Variants in SLC22A23 observed in about 807,000 individuals in gnomAD.
SLC22A23 encodes the protein ion transporter protein.
Under a neutral mutation model 61.0 loss-of-function variants are expected in SLC22A23, and 26 were observed. That is an observed-to-expected ratio of 0.43 (90% CI 0.31 to 0.59). The LOEUF (loss-of-function observed/expected upper bound fraction) is 0.59. SLC22A23 is among the 20% of genes least tolerant of loss of function. The pLI is 0.11. For missense variants in SLC22A23, 796 were observed against 934.7 expected, an observed-to-expected ratio of 0.85 and a Z score of 1.94; for synonymous variants, 430 against 413.9, an observed-to-expected ratio of 1.04 and a Z score of -0.47.
rs1767584132 is a variant in SLC22A23, at chr6:3,390,308, C to T, written c.913+19880G>A. 6.6e-6 allele frequency among the ~76,000 whole-genome samples: 1 copy of T among 152,188 alleles called. No individual in the cohort carries two copies. Among genetic ancestry groups the T allele is most frequent in the Non-Finnish European group, 1.5e-5 (1 of 68,042 alleles). On this transcript the variant is annotated intron_variant, in intron 3 of 9. Coordinates refer to ENST00000406686, the MANE Select transcript of SLC22A23 (RefSeq NM_015482.2). The surrounding 1 kb of genome is among the most constrained non-coding windows in gnomAD (Gnocchi z 4.0). Reference sequence around the variant, plus strand: ...TTGGCCTCAATCACAGAATACTACTCAATTAGATTTTAAAAGATGCCCCTC... The same window carrying T: ...TTGGCCTCAATCACAGAATACTACTTAATTAGATTTTAAAAGATGCCCCTC...
chr6:3,405,499 G>A (rs1237201128), intron 3 of SLC22A23, among the ~76,000 whole-genome samples: 9 of 152,034 alleles, frequency 5.9e-5, no homozygotes, highest in Admixed American at 5.2e-4. Flanking sequence ...CAGAGCAAAT[G>A]TTTGCTCCCC....
At chr6:3,321,462 T>C (rs1234933927) in intron 4 of SLC22A23, among the ~76,000 whole-genome samples, 1 of 152,246 alleles carries the variant, frequency 6.6e-6, no homozygotes, top group Non-Finnish European at 1.5e-5. Flanking sequence ...TTTCAAAAGC[T>C]GTATAATTTG....
intron 4 of SLC22A23, among the ~76,000 whole-genome samples, chr6:3,320,044 G>A (rs1463492919): frequency 6.6e-6 from 1 of 152,194 alleles, no homozygotes; most frequent in Non-Finnish European, 1.5e-5. Context: ...GACTGAAGGA[G>A]CTCAGTTCTC....
At chr6:3,313,962 G>A (rs771662756) in intron 4 of SLC22A23, among the ~76,000 whole-genome samples, 2 of 152,230 alleles carry the variant, frequency 1.3e-5, no homozygotes, top group Non-Finnish European at 2.9e-5. Context: ...CCAAGAGGTG[G>A]AGGTTGTAGT....
chr6:3,424,862 G>C (rs552615036), intron 1 of SLC22A23, among the ~76,000 whole-genome samples: 6 of 152,318 alleles, frequency 3.9e-5, no homozygotes, highest in African/African-American at 1.4e-4. Flanking sequence ...TTACTATGTG[G>C]CCCTTTTTAG....
At chr6:3,287,844 C>T (rs1020238463) in intron 6 of SLC22A23, among the ~76,000 whole-genome samples, 3 of 152,052 alleles carry the variant, frequency 2.0e-5, no homozygotes, top group Non-Finnish European at 2.9e-5. Flanking sequence ...CCACCATGCC[C>T]AGCTAATTTT....
At chr6:3,334,136 C>T (rs1763722624) in intron 3 of SLC22A23, among the ~76,000 whole-genome samples, 1 of 152,178 alleles carries the variant, frequency 6.6e-6, no homozygotes, top group Non-Finnish European at 1.5e-5. Flanking sequence ...GCCTACTGGC[C>T]TTGGGGTAAC....
At chr6:3,415,390 T>C (rs1406953242) in intron 2 of SLC22A23, among the ~76,000 whole-genome samples, 1 of 152,146 alleles carries the variant, frequency 6.6e-6, no homozygotes, top group Non-Finnish European at 1.5e-5. Context: ...CCATCCCCTA[T>C]TTTTTAATGC....
At chr6:3,306,732 C>T (rs1478871762) in intron 4 of SLC22A23, among the ~76,000 whole-genome samples, 5 of 152,096 alleles carry the variant, frequency 3.3e-5, no homozygotes, top group Non-Finnish European at 5.9e-5. Flanking sequence ...CCCTCCAAGA[C>T]CTAAACCCCA....
Position 3,456,602 on chromosome 6 carries a change from G to A in SLC22A23, c.-43C>T. On this transcript the variant is annotated 5_prime_UTR_variant, in exon 1 of 10. Coordinates refer to ENST00000406686, the MANE Select transcript of SLC22A23 (RefSeq NM_015482.2). The surrounding 1 kb of genome is among the most constrained non-coding windows in gnomAD (Gnocchi z 7.1). ...CCCGCAGAGGCGCATAGAGCGCGGC[G>A]GAGGCTCCGCGGGCGCCCCGGGCAC... 2 of 979,190 alleles carry A rather than the reference G, an allele frequency of 2.0e-6. No homozygotes were observed. The highest frequency in any genetic ancestry group is 2.4e-6 in the Non-Finnish European group (2 of 826,970). 60.7% of individuals were successfully genotyped at this position (979,190 alleles called of 1,614,324 possible).
In SLC22A23 at chr6:3,315,352, C is replaced by T. The variant is rs552805042; in HGVS notation, c.1082+8482G>A. ...TGACTGAAGACTCCACAAATGCGTGCGTGTCCCCACAGCACAGAGGAAATG... is the reference window on the plus strand; with the variant it reads ...TGACTGAAGACTCCACAAATGCGTGTGTGTCCCCACAGCACAGAGGAAATG... On this transcript the variant is annotated intron_variant, in intron 4 of 9. Coordinates refer to ENST00000406686, the MANE Select transcript of SLC22A23 (RefSeq NM_015482.2). Among the ~76,000 whole-genome samples, 241 of 152,312 alleles carry T rather than the reference C, an allele frequency of 1.6e-3. 2 individuals carry two copies. The highest frequency in any genetic ancestry group is 5.4e-3 in the South Asian group (26 of 4,832).
chr6:3,355,163 T>TG (rs1019585996), intron 3 of SLC22A23, among the ~76,000 whole-genome samples: 8 of 151,650 alleles, frequency 5.3e-5, no homozygotes, highest in Non-Finnish European at 7.4e-5. Flanking sequence ...TCCCTGTCTT[T>TG]GTGGCCGCCA....
At chr6:3,436,209 G>A (rs1168840364) in intron 1 of SLC22A23, among the ~76,000 whole-genome samples, 1 of 151,642 alleles carries the variant, frequency 6.6e-6, no homozygotes, top group Non-Finnish European at 1.5e-5. Flanking sequence ...GTGTGATATC[G>A]GCTCACTGCA....
At chr6:3,421,710 A>G (rs550603104) in intron 1 of SLC22A23, among the ~76,000 whole-genome samples, 1 of 152,332 alleles carries the variant, frequency 6.6e-6, no homozygotes, top group African/African-American at 2.4e-5. Flanking sequence ...AAAAAAATGT[A>G]GGGAAAAATA....
chr6:3,341,395 C>A (rs1764144205), intron 3 of SLC22A23, among the ~76,000 whole-genome samples: 1 of 152,180 alleles, frequency 6.6e-6, no homozygotes, highest in Non-Finnish European at 1.5e-5. Context: ...GAGGACACAC[C>A]TGAAACTTTT....
chr6:3,285,002 T>C, intron 8 of SLC22A23, 77 bp downstream of exon 8: 1 of 1,573,450 alleles, frequency 6.4e-7, no homozygotes, highest in Non-Finnish European at 8.6e-7. Flanking sequence ...AAACCACAGG[T>C]CCGTGAGTCT....
intron 3 of SLC22A23, among the ~76,000 whole-genome samples, chr6:3,370,365 A>C (rs1459374105): frequency 6.6e-6 from 1 of 152,260 alleles, no homozygotes; most frequent in Non-Finnish European, 1.5e-5. Context: ...GTGGGGGTGC[A>C]TGTGCCTTCC....
chr6:3,322,978 A>G lies in SLC22A23; in HGVS notation c.1082+856T>C, dbSNP rs1581690063. 6.6e-6 allele frequency among the ~76,000 whole-genome samples: 1 copy of G among 152,296 alleles called. No individual in the cohort carries two copies. The highest frequency in any genetic ancestry group is 1.9e-4 in the East Asian group (1 of 5,190). ...ACAGCATTTATAAAAAGGTAAAAGT[A>G]TCATTTTTAGGGTCAACATCTCTCT... is the stretch of plus-strand genomic sequence containing the variant. On this transcript the variant is annotated intron_variant, in intron 4 of 9. Coordinates refer to ENST00000406686, the MANE Select transcript of SLC22A23 (RefSeq NM_015482.2). The surrounding 1 kb of genome is among the most constrained non-coding windows in gnomAD (Gnocchi z 4.1).
At chr6:3,345,406 C>G (rs1212497919) in intron 3 of SLC22A23, among the ~76,000 whole-genome samples, 1 of 149,170 alleles carries the variant, frequency 6.7e-6, no homozygotes, top group Non-Finnish European at 1.5e-5. Context: ...GCTCTGTCAC[C>G]CAGGCTGGAG....
Sources: allele counts gnomAD v4.1 joint callset (sites outside exome capture counted in the v4.1 genomes callset), GRCh38; gene constraint gnomAD v4.1.1; non-coding constraint Gnocchi (gnomAD v3.1); transcripts MANE v1.5; gene names NCBI Gene and HGNC (gene_info 2026-07-23, HGNC 2026-07-21).